Variants in WWP2 observed in about 807,000 individuals in gnomAD.
The protein encoded by WWP2 is NEDD4-like E3 ubiquitin-protein ligase WWP2.
Under a neutral mutation model 121.0 loss-of-function variants are expected in WWP2, and 57 were observed. That is an observed-to-expected ratio of 0.47 (90% CI 0.38 to 0.59). The LOEUF (loss-of-function observed/expected upper bound fraction) is 0.59, where lower values mean the gene tolerates loss of function less well. Ranked by LOEUF, WWP2 falls within the 20% of genes least tolerant of loss-of-function variation. The pLI is 0.00. For synonymous variants in WWP2, 449 were observed against 441.3 expected (o/e 1.02, Z -0.22); for missense variants, 962 against 1,158.9 (o/e 0.83, Z 2.47).
At chr16:69,921,287 T>A (rs911818139) in intron 10 of WWP2, among the ~76,000 whole-genome samples, 2 of 152,212 alleles carry the variant, frequency 1.3e-5, no homozygotes, top group African/African-American at 4.8e-5. Flanking sequence ...GTTGCTTTCA[T>A]ATAGTTATTT....
At chr16:69,798,332 G>C (rs2056090160) in intron 2 of WWP2, among the ~76,000 whole-genome samples, 1 of 152,200 alleles carries the variant, frequency 6.6e-6, no homozygotes, top group African/African-American at 2.4e-5. Flanking sequence ...TTATGGGCTT[G>C]TATTGCAGTC....
At chr16:69,783,539 C>A (rs1024193535) in intron 1 of WWP2, among the ~76,000 whole-genome samples, 2 of 151,484 alleles carry the variant, frequency 1.3e-5, no homozygotes, top group African/African-American at 4.9e-5. Context: ...ACAGCCAGAC[C>A]CTGTGTCTAA....
chr16:69,878,670 T>C (rs547140699), intron 7 of WWP2, among the ~76,000 whole-genome samples: 1 of 151,656 alleles, frequency 6.6e-6, no homozygotes, highest in East Asian at 1.9e-4. Flanking sequence ...CCTGTTTTTA[T>C]ACATGGTTTC....
chr16:69,805,845 A>C (rs544407896), intron 4 of WWP2, among the ~76,000 whole-genome samples: 3 of 151,280 alleles, frequency 2.0e-5, no homozygotes, highest in African/African-American at 7.3e-5. Flanking sequence ...CTTTGTATCA[A>C]ATATCTATTA....
chr16:69,888,057 C>T lies in WWP2; in HGVS notation c.722C>T (p.Thr241Ile). ...ANGTVNDEPTTATDPEEPSVV... is the reference protein window; with the variant it reads ...ANGTVNDEPTIATDPEEPSVV... ...TCTTCAGTGAATGATGAACCCACAA[C>T]AGCCACTGATCCCGAAGAACCTTCC... The change falls in exon 8 of 24, where the codon ACA becomes ATA. Residue 241 changes from threonine (T) to isoleucine (I), a missense_variant. Physicochemically the swap from Thr to Ile is moderately conservative, Grantham distance 89 (BLOSUM62 -1). Around this residue, in one of 3 missense-constraint regions of WWP2, gnomAD observed 211 missense variants for 196.5 expected, o/e 1.07. Coordinates refer to ENST00000359154, the MANE Select transcript of WWP2 (RefSeq NM_001270454.2). 6.2e-7 allele frequency: 1 copy of T among 1,614,214 alleles called. No homozygotes were observed. The highest frequency in any genetic ancestry group is 8.5e-7 in the Non-Finnish European group (1 of 1,180,042).
intron 6 of WWP2, among the ~76,000 whole-genome samples, chr16:69,852,632 G>A (rs2057239706): frequency 6.6e-6 from 1 of 151,734 alleles, no homozygotes; most frequent in African/African-American, 2.4e-5. Flanking sequence ...TCTTTGGCAG[G>A]GTGTCTGTTC....
At chr16:69,883,889 G>C (rs899678754) in intron 7 of WWP2, among the ~76,000 whole-genome samples, 1 of 152,142 alleles carries the variant, frequency 6.6e-6, no homozygotes, top group Admixed American at 6.6e-5. Flanking sequence ...GTGTTGATTG[G>C]AGGGTCTTCT....
chr16:69,824,098 C>T (rs1401722596), intron 4 of WWP2, among the ~76,000 whole-genome samples: 1 of 152,204 alleles, frequency 6.6e-6, no homozygotes, highest in African/African-American at 2.4e-5. Flanking sequence ...GTGTTTGGGC[C>T]TCTGCTCCGC....
intron 1 of WWP2, among the ~76,000 whole-genome samples, chr16:69,770,181 A>C (rs1323628364): frequency 9.2e-5 from 14 of 152,174 alleles, no homozygotes; most frequent in Admixed American, 2.0e-4. Context: ...TTGTGTGCTA[A>C]TAATTGACCT....
intron 1 of WWP2, among the ~76,000 whole-genome samples, chr16:69,786,794 C>T (rs1001833548): frequency 2.0e-5 from 3 of 152,228 alleles, no homozygotes; most frequent in South Asian, 2.1e-4. Flanking sequence ...TTTGCTATAA[C>T]AGTCCTGTGT....
intron 10 of WWP2, among the ~76,000 whole-genome samples, chr16:69,923,528 T>A (rs1285388636): frequency 6.6e-6 from 1 of 152,112 alleles, no homozygotes; most frequent in Non-Finnish European, 1.5e-5. Flanking sequence ...GTCTGTTGAT[T>A]TGTAGAATTA....
At position 69,799,777 on chromosome 16, in the gene WWP2, C is replaced by T. The variant is rs1249071122; in HGVS notation, c.340+482C>T. 6.6e-6 allele frequency among the ~76,000 whole-genome samples: 1 copy of T among 152,194 alleles called. No individual in the cohort carries two copies. Among genetic ancestry groups the T allele is most frequent in the Non-Finnish European group, 1.5e-5 (1 of 68,030 alleles). ...CAAATAGTGCCCTGTGCTTACTCGG[C>T]ACTCAGTAAACATTTACTGGATGTT... is the stretch of plus-strand genomic sequence containing the variant. On this transcript the variant is annotated intron_variant, in intron 4 of 23. Transcript: ENST00000359154. The surrounding 1 kb of genome is among the most constrained non-coding windows in gnomAD (Gnocchi z 4.5).
At chr16:69,933,614 A>T (rs2058752180) in intron 16 of WWP2, among the ~76,000 whole-genome samples, 1 of 152,222 alleles carries the variant, frequency 6.6e-6, no homozygotes. Context: ...TGCAGTGCAC[A>T]GCCTAGGCAA....
chr16:69,841,513 A>G (rs2056977565), intron 5 of WWP2, among the ~76,000 whole-genome samples: 1 of 152,170 alleles, frequency 6.6e-6, no homozygotes, highest in South Asian at 2.1e-4. Context: ...TCAGAGAAAC[A>G]GGTCAACTCA....
At chr16:69,882,804 C>T (rs117727494) in intron 7 of WWP2, among the ~76,000 whole-genome samples, 3,014 of 152,204 alleles carry the variant, frequency 0.02, 47 homozygotes, top group Non-Finnish European at 0.031. Context: ...GGGTGTACAT[C>T]AAATAATTAG....
chr16:69,820,825 T>TAC (rs34214656), intron 4 of WWP2, among the ~76,000 whole-genome samples: 7,779 of 144,134 alleles, frequency 0.054, 243 homozygotes, highest in Middle Eastern at 0.14. Context: ...TACATGCATA[T>TAC]ACACACACAC....
chr16:69,801,097 A>C (rs1034392830), intron 4 of WWP2, among the ~76,000 whole-genome samples: 11 of 148,566 alleles, frequency 7.4e-5, no homozygotes, highest in African/African-American at 2.7e-4. Context: ...GCTGAGACAG[A>C]AGAATCGCTT....
chr16:69,796,221 C>G (rs571937438), intron 2 of WWP2, among the ~76,000 whole-genome samples: 16 of 152,258 alleles, frequency 1.1e-4, no homozygotes, highest in African/African-American at 3.9e-4. Flanking sequence ...AGAGCTTACT[C>G]TCAGAGTTTC....
chr16:69,792,756 A>G (rs980191580), intron 2 of WWP2, among the ~76,000 whole-genome samples: 6 of 152,262 alleles, frequency 3.9e-5, no homozygotes, highest in South Asian at 2.1e-4. Context: ...CAGTGGCACA[A>G]TTACAGCTCA....
Sources: allele counts gnomAD v4.1 joint callset (sites outside exome capture counted in the v4.1 genomes callset), GRCh38; gene constraint gnomAD v4.1.1; regional missense constraint gnomAD v4.1.1; non-coding constraint Gnocchi (gnomAD v3.1); transcripts MANE v1.5; gene names NCBI Gene and HGNC (gene_info 2026-07-23, HGNC 2026-07-21).